SLC1A2: variants seen among roughly 807,000 people sequenced by gnomAD.
SLC1A2 encodes solute carrier family 1 member 2.
SLC1A2 carries 15 observed loss-of-function variants against 48.8 expected under a neutral mutation model. The ratio of observed to expected loss-of-function variants is 0.31; its 90% CI spans 0.21 to 0.47. SLC1A2 has a LOEUF of 0.47. Among genes scored for constraint, SLC1A2 ranks in the 20% least tolerant of loss-of-function variants. The pLI is 0.99. For missense variants in SLC1A2, 502 were observed against 730.5 expected, an observed-to-expected ratio of 0.69 and a Z score of 3.61; for synonymous variants, 279 against 272.6, an observed-to-expected ratio of 1.02 and a Z score of -0.23.
intron 1 of SLC1A2, among the ~76,000 whole-genome samples, chr11:35,403,050 C>G (rs916319450): frequency 6.6e-6 from 1 of 152,176 alleles, no homozygotes; most frequent in African/African-American, 2.4e-5. Flanking sequence ...CATCTAAGCT[C>G]AACAGACTAA....
Position 35,317,361 on chromosome 11 carries a change from T to A in SLC1A2, c.157+16A>T. ...AGAGAAGAGGGGGCTGGGGGTGGGG[T>A]AGTGCAGGTACCTACCAAACACCGT... On this transcript the variant is annotated intron_variant, in intron 2 of 10. Coordinates refer to ENST00000278379, the MANE Select transcript of SLC1A2 (RefSeq NM_004171.4). 6.2e-7 allele frequency: 1 copy of A among 1,611,044 alleles called. No individual in the cohort carries two copies. Among genetic ancestry groups the A allele is most frequent in the Non-Finnish European group, 8.5e-7 (1 of 1,177,784 alleles).
chr11:35,344,849 C>G (rs1204532167), intron 1 of SLC1A2, among the ~76,000 whole-genome samples: 1 of 152,162 alleles, frequency 6.6e-6, no homozygotes, highest in Non-Finnish European at 1.5e-5. Context: ...CTCTCTGTAA[C>G]AGGAAGGGCT....
At chr11:35,293,019 C>T (rs192846874) in intron 6 of SLC1A2, among the ~76,000 whole-genome samples, 1 of 151,996 alleles carries the variant, frequency 6.6e-6, no homozygotes, top group Admixed American at 6.6e-5. Flanking sequence ...ACAAGGAAAT[C>T]ATCTGAGCCA....
intron 1 of SLC1A2, among the ~76,000 whole-genome samples, chr11:35,367,819 T>C (rs1472215603): frequency 6.6e-6 from 1 of 152,238 alleles, no homozygotes; most frequent in East Asian, 1.9e-4. Context: ...TGATTCTTTG[T>C]ACTCCAGTAA....
chr11:35,382,523 C>G (rs534331262), intron 1 of SLC1A2, among the ~76,000 whole-genome samples: 1 of 152,172 alleles, frequency 6.6e-6, no homozygotes, highest in African/African-American at 2.4e-5. Flanking sequence ...AGGCTGGGTG[C>G]GGTGGCTCAC....
intron 7 of SLC1A2, among the ~76,000 whole-genome samples, chr11:35,287,377 T>C (rs1850858826): frequency 6.6e-6 from 1 of 152,186 alleles, no homozygotes; most frequent in Non-Finnish European, 1.5e-5. Context: ...ACCCATAATT[T>C]CATGCTAGAA....
chr11:35,261,025 G>T, intron 10 of SLC1A2, 60 bp from the exon 11 acceptor site: 2 of 1,239,758 alleles, frequency 1.6e-6, no homozygotes, highest in South Asian at 1.2e-5. Flanking sequence ...AAAGCCCTGT[G>T]GGTTATGTGG....
chr11:35,296,641 C>A (rs1007072211), intron 6 of SLC1A2, among the ~76,000 whole-genome samples: 5 of 152,130 alleles, frequency 3.3e-5, no homozygotes, highest in Non-Finnish European at 5.9e-5. Context: ...TTTCACCAAC[C>A]ACACTGCAGC....
At chr11:35,327,996 C>T (rs761131528) in intron 1 of SLC1A2, among the ~76,000 whole-genome samples, 4 of 152,184 alleles carry the variant, frequency 2.6e-5, no homozygotes, top group Non-Finnish European at 5.9e-5. Flanking sequence ...ACTTATGAGA[C>T]TTGCATTCTA....
intron 1 of SLC1A2, among the ~76,000 whole-genome samples, chr11:35,361,430 G>C (rs1400909853): frequency 6.6e-6 from 1 of 152,180 alleles, no homozygotes; most frequent in African/African-American, 2.4e-5. Context: ...TGAAGCAATA[G>C]TCTTCTATAT....
At chr11:35,282,578 C>A (rs573784916) in intron 8 of SLC1A2, among the ~76,000 whole-genome samples, 1 of 151,692 alleles carries the variant, frequency 6.6e-6, no homozygotes, top group East Asian at 1.9e-4. Context: ...GGCTGCTTTG[C>A]AATGAAAACT....
chr11:35,272,019 AG>A (rs1412583722), intron 9 of SLC1A2, among the ~76,000 whole-genome samples: 2 of 152,340 alleles, frequency 1.3e-5, no homozygotes, highest in East Asian at 3.9e-4. Context: ...TGATTGAGAA[AG>A]GAAGGAGAGG....
intron 1 of SLC1A2, among the ~76,000 whole-genome samples, chr11:35,362,882 CA>C (rs1248791884): frequency 6.6e-6 from 1 of 152,182 alleles, no homozygotes; most frequent in Non-Finnish European, 1.5e-5. Flanking sequence ...CACTTTAGGA[CA>C]ATGATACTAG....
intron 1 of SLC1A2, among the ~76,000 whole-genome samples, chr11:35,415,111 T>C (rs1855568757): frequency 1.3e-5 from 2 of 152,224 alleles, no homozygotes; most frequent in Non-Finnish European, 1.5e-5. Flanking sequence ...CACTTAGCTG[T>C]TAAATATATT....
intron 1 of SLC1A2, among the ~76,000 whole-genome samples, chr11:35,375,166 T>A (rs904881816): frequency 3.8e-4 from 58 of 152,182 alleles, no homozygotes; most frequent in African/African-American, 1.4e-3. Context: ...AAATAAAAAA[T>A]AAAAATAATA....
intron 1 of SLC1A2, among the ~76,000 whole-genome samples, chr11:35,343,201 C>T (rs1420603730): frequency 1.3e-5 from 2 of 152,236 alleles, no homozygotes; most frequent in African/African-American, 4.8e-5. Context: ...GCAGCATAGG[C>T]TAGGGGCTGA....
chr11:35,380,367 T>C (rs1854382431), intron 1 of SLC1A2: 1 of 398,628 alleles, frequency 2.5e-6, no homozygotes, highest in Non-Finnish European at 4.4e-6. Flanking sequence ...GCCCTGGTCA[T>C]TGTGAGCACT....
At chr11:35,329,562 A>G (rs1313358831) in intron 1 of SLC1A2, among the ~76,000 whole-genome samples, 2 of 152,186 alleles carry the variant, frequency 1.3e-5, no homozygotes, top group African/African-American at 4.8e-5. Flanking sequence ...AACAAACAAA[A>G]CAAAGCACAA....
chr11:35,305,327 C>G (rs564598370), intron 5 of SLC1A2, among the ~76,000 whole-genome samples: 1 of 152,302 alleles, frequency 6.6e-6, no homozygotes, highest in East Asian at 1.9e-4. Context: ...CTACTGTGCC[C>G]TATATGCACA....
Sources: allele counts gnomAD v4.1 joint callset (sites outside exome capture counted in the v4.1 genomes callset), GRCh38; gene constraint gnomAD v4.1.1; transcripts MANE v1.5; gene names NCBI Gene and HGNC (gene_info 2026-07-23, HGNC 2026-07-21).